Variants in LEMD3 observed in about 807,000 individuals in gnomAD.
LEMD3 encodes LEM domain containing 3, also known as inner nuclear membrane protein Man1.
In LEMD3, 33 loss-of-function variants were observed where a neutral mutation model predicts 95.2. The ratio of observed to expected loss-of-function variants is 0.35; its 90% CI spans 0.26 to 0.46. The LOEUF is 0.46. Among genes scored for constraint, LEMD3 ranks in the 20% least tolerant of loss-of-function variants. The pLI is 1.00. For missense variants in LEMD3, 1,210 were observed against 1,192.8 expected (o/e 1.01, Z -0.21); for synonymous variants, 525 against 474.6 (o/e 1.11, Z -1.38).
Position 65,170,462 on chromosome 12 carries a change from C to T in LEMD3, c.866C>T (p.Thr289Ile), listed in dbSNP as rs769786244. ...DSLSRHRPRR[T>I]HSKPLPPLTA... is the part of the protein sequence containing the mutation. ...CTTTCCCGGCATCGGCCCAGACGAACCCATAGTAAGCCTCTCCCCCCGCTG... is the reference window on the plus strand; with the variant it reads ...CTTTCCCGGCATCGGCCCAGACGAATCCATAGTAAGCCTCTCCCCCCGCTG... The change falls in exon 1 of 13, where the codon ACC becomes ATC. Residue 289 changes from threonine (T) to isoleucine (I), a missense_variant. This residue lies in a region of LEMD3 where 749 missense variants were observed against 622.9 expected (regional missense o/e 1.20). Coordinates refer to ENST00000308330, the MANE Select transcript of LEMD3 (RefSeq NM_014319.5). The T allele has an allele frequency of 7.4e-6, 12 of 1,614,058 alleles. No individual in the cohort carries two copies. The highest frequency in any genetic ancestry group is 1.0e-5 in the Non-Finnish European group (12 of 1,180,024).
At chr12:65,209,959 A>G (rs935045430) in intron 1 of LEMD3, among the ~76,000 whole-genome samples, 2 of 152,034 alleles carry the variant, frequency 1.3e-5, no homozygotes, top group Non-Finnish European at 2.9e-5. Flanking sequence ...GATTATATAG[A>G]TATATAGTCT....
intron 1 of LEMD3, among the ~76,000 whole-genome samples, chr12:65,175,486 T>C (rs995716832): frequency 3.9e-5 from 6 of 152,196 alleles, no homozygotes; most frequent in African/African-American, 1.4e-4. Flanking sequence ...CTGCTACCTC[T>C]CTTCTTCAAG....
intron 2 of LEMD3, among the ~76,000 whole-genome samples, chr12:65,211,875 A>G (rs950382728): frequency 2.0e-5 from 3 of 152,216 alleles, no homozygotes; most frequent in Non-Finnish European, 1.5e-5. Context: ...AGAAACTGAA[A>G]TTCTGAACTT....
intron 1 of LEMD3, among the ~76,000 whole-genome samples, chr12:65,183,209 A>G (rs1868958366): frequency 6.6e-6 from 1 of 152,208 alleles, no homozygotes; most frequent in Non-Finnish European, 1.5e-5. Context: ...GTATACCTAG[A>G]ATATTATTTT....
intron 1 of LEMD3, among the ~76,000 whole-genome samples, chr12:65,190,855 A>G (rs894531493): frequency 1.4e-4 from 22 of 152,182 alleles, no homozygotes; most frequent in African/African-American, 5.3e-4. Flanking sequence ...TGGAGGGATC[A>G]GATAGTTGAG....
chr12:65,205,107 G>T (rs1201872638), intron 1 of LEMD3, among the ~76,000 whole-genome samples: 1 of 152,108 alleles, frequency 6.6e-6, no homozygotes, highest in Non-Finnish European at 1.5e-5. Context: ...CGGAGAGAGA[G>T]AATGCAAATG....
intron 4 of LEMD3, among the ~76,000 whole-genome samples, chr12:65,229,345 A>G (rs1478814643): frequency 6.6e-6 from 1 of 152,184 alleles, no homozygotes; most frequent in Non-Finnish European, 1.5e-5. Flanking sequence ...AATAAATGAG[A>G]GTACAGATAC....
intron 9 of LEMD3, 104 bp downstream of exon 9, chr12:65,241,191 ACT>A (rs1870928052): frequency 6.3e-6 from 6 of 956,316 alleles, no homozygotes; most frequent in East Asian, 2.6e-5. Flanking sequence ...TGAAGGCAAA[ACT>A]CTCTCGTTCT....
At chr12:65,246,081 A>C in intron 12 of LEMD3, 81 bp from the exon 13 acceptor site, 1 of 1,284,650 alleles carries the variant, frequency 7.8e-7, no homozygotes, top group Non-Finnish European at 1.1e-6. Flanking sequence ...TTTTGTGCTC[A>C]TATGTCTTTT....
chr12:65,170,127 G>C lies in LEMD3; in HGVS notation c.531G>C (p.Leu177=). 1 of 1,462,732 alleles carries C rather than the reference G, an allele frequency of 6.8e-7. No homozygotes were observed. Among genetic ancestry groups the C allele is most frequent in the Non-Finnish European group, 9.0e-7 (1 of 1,113,116 alleles). The allele number at this position is 1,462,732 out of a possible 1,614,324, so 90.6% of individuals were successfully genotyped here. The change falls in exon 1 of 13, where the codon CTG becomes CTC. Residue 177 remains leucine (L), a synonymous_variant. Coordinates refer to ENST00000308330, the MANE Select transcript of LEMD3 (RefSeq NM_014319.5). ...GGCTCAAAGCGCCGCCGGCGCCCCT[G>C]GCCGCCAGCGAGGTGACTAACAGCA... The part of the protein sequence containing the change: ...YRGLKAPPAP[L]AASEVTNSNS...
chr12:65,207,958 A>G (rs1455422696), intron 1 of LEMD3, among the ~76,000 whole-genome samples: 2 of 152,096 alleles, frequency 1.3e-5, no homozygotes, highest in Non-Finnish European at 2.9e-5. Flanking sequence ...GGGGTAGAGG[A>G]AGGGAGGGAT....
In LEMD3 at chr12:65,247,778, G is replaced by T. The variant is rs1347721120; in HGVS notation, c.*1453G>T. 1.3e-5 allele frequency: 2 copies of T among 152,548 alleles called. No individual in the cohort carries two copies. The highest frequency in any genetic ancestry group is 4.8e-5 in the African/African-American group (2 of 41,416). 9.4% of individuals were successfully genotyped at this position (152,548 alleles called of 1,614,324 possible). A position where few individuals can be genotyped will look rare whatever the true frequency, so the allele number is the denominator to read the frequency against. On this transcript the variant is annotated 3_prime_UTR_variant, in exon 13 of 13. Transcript: ENST00000308330. ...GCACGTTTTCTGGTTAAGTAAACAT[G>T]ATGCACACTATTCTGTAACAGAAAG...
chr12:65,234,749 C>A (rs1185771337), intron 4 of LEMD3, among the ~76,000 whole-genome samples: 1 of 152,098 alleles, frequency 6.6e-6, no homozygotes, highest in Non-Finnish European at 1.5e-5. Context: ...GATTTAAGGC[C>A]TTCATTCCTC....
chr12:65,193,935 T>C (rs1869328791), intron 1 of LEMD3, among the ~76,000 whole-genome samples: 1 of 152,146 alleles, frequency 6.6e-6, no homozygotes, highest in African/African-American at 2.4e-5. Flanking sequence ...ACAAACTTAT[T>C]TGACTAGTAA....
chr12:65,234,004 A>G (rs1243947579), intron 4 of LEMD3, among the ~76,000 whole-genome samples: 1 of 152,222 alleles, frequency 6.6e-6, no homozygotes, highest in Non-Finnish European at 1.5e-5. Context: ...GCTCTTGCCT[A>G]TAAGTAAATA....
intron 8 of LEMD3, chr12:65,240,463 G>T: frequency 1.9e-6 from 1 of 523,786 alleles, no homozygotes; most frequent in Non-Finnish European, 3.4e-6. Context: ...CTCATTCCTA[G>T]GCATTCTTGA....
intron 1 of LEMD3, among the ~76,000 whole-genome samples, chr12:65,197,589 C>T (rs1434552794): frequency 6.6e-6 from 1 of 152,094 alleles, no homozygotes; most frequent in Non-Finnish European, 1.5e-5. Context: ...TGATGACATA[C>T]TTAAGTGTCT....
intron 4 of LEMD3, among the ~76,000 whole-genome samples, chr12:65,223,464 C>T (rs988121785): frequency 4.6e-5 from 7 of 152,030 alleles, no homozygotes; most frequent in South Asian, 2.1e-4. Context: ...CCACCACACC[C>T]GGCTAATTTT....
chr12:65,232,947 T>C (rs1322671303), intron 4 of LEMD3, among the ~76,000 whole-genome samples: 2 of 152,218 alleles, frequency 1.3e-5, no homozygotes, highest in Non-Finnish European at 2.9e-5. Context: ...TAGACTTTTA[T>C]GGCCTAGAAT....
Sources: gnomAD v4.1 joint callset for allele counts (sites outside exome capture counted in the v4.1 genomes callset) on GRCh38, gnomAD v4.1.1 for gene constraint, gnomAD v4.1.1 regional missense constraint, MANE v1.5 for transcripts, NCBI Gene and HGNC (gene_info 2026-07-23, HGNC 2026-07-21) for gene names.